Variants in NCOR2 observed in about 807,000 individuals in gnomAD.
The protein encoded by NCOR2 is CTG repeat protein 26.
In NCOR2, 81 loss-of-function variants were observed where a neutral mutation model predicts 262.9. The ratio of observed to expected loss-of-function variants is 0.31; its 90% CI spans 0.26 to 0.37. NCOR2 has a LOEUF of 0.37. Ranked by LOEUF, NCOR2 falls within the 10% of genes least tolerant of loss-of-function variation. NCOR2 has a pLI of 1.00. For missense variants in NCOR2, 3,385 were observed against 3,621.4 expected (o/e 0.93, Z 1.68); for synonymous variants, 1,659 against 1,559.3 (o/e 1.06, Z -1.51).
At chr12:124,441,686 T>C (rs1198655053) in intron 7 of NCOR2, among the ~76,000 whole-genome samples, 1 of 152,190 alleles carries the variant, frequency 6.6e-6, no homozygotes, top group Non-Finnish European at 1.5e-5. Context: ...TATTCCTCCC[T>C]CCAGGAGGCG....
chr12:124,554,059 G>C (rs905242501), intron 1 of NCOR2, among the ~76,000 whole-genome samples: 3 of 152,190 alleles, frequency 2.0e-5, no homozygotes, highest in African/African-American at 4.8e-5. Context: ...CCAGGGCCCC[G>C]GGGCAGGCCA....
At chr12:124,393,456 C>T (rs541340829) in intron 16 of NCOR2, among the ~76,000 whole-genome samples, 5 of 152,372 alleles carry the variant, frequency 3.3e-5, no homozygotes, top group East Asian at 1.9e-4. Flanking sequence ...TGGCCTCCCA[C>T]GCTCTAGAGT....
At chr12:124,427,702 C>A (rs2136331458) in intron 10 of NCOR2, among the ~76,000 whole-genome samples, 1 of 152,316 alleles carries the variant, frequency 6.6e-6, no homozygotes, top group East Asian at 1.9e-4. Flanking sequence ...CTGTCCCCTA[C>A]ACCCCTGATA....
chr12:124,341,748 G>A (rs1395764693), intron 34 of NCOR2, 75 bp downstream of exon 36: 5 of 1,532,150 alleles, frequency 3.3e-6, no homozygotes, highest in African/African-American at 1.4e-5. Context: ...CTGCCTCCGC[G>A]AGGCCACAGG....
At chr12:124,335,856 C>T (rs1368745895) in intron 38 of NCOR2, 1 of 551,296 alleles carries the variant, frequency 1.8e-6, no homozygotes, top group East Asian at 2.9e-5. Flanking sequence ...GGGACAGAGA[C>T]AGACAGAGAG....
intron 1 of NCOR2, among the ~76,000 whole-genome samples, chr12:124,494,815 C>G (rs2136903524): frequency 6.6e-6 from 1 of 152,320 alleles, no homozygotes; most frequent in Middle Eastern, 3.4e-3. Context: ...AGCGGGGGAG[C>G]AGAGGTGAGG....
intron 10 of NCOR2, among the ~76,000 whole-genome samples, chr12:124,428,348 A>G (rs1471188380): frequency 1.3e-5 from 2 of 152,234 alleles, no homozygotes; most frequent in East Asian, 3.9e-4. Context: ...ATGTTGTTGT[A>G]AACAAAAACG....
chr12:124,346,654 G>A (rs1237920671), exon 31 of NCOR2: 11 of 1,588,432 alleles, frequency 6.9e-6, no homozygotes, highest in Non-Finnish European at 8.5e-6. Context: ...CATGGATGGA[G>A]CGGCCCGCCT....
intron 10 of NCOR2, 35 bp downstream of exon 12, chr12:124,429,578 A>G (rs921517910): frequency 6.4e-7 from 1 of 1,562,228 alleles, no homozygotes; most frequent in African/African-American, 1.4e-5. Flanking sequence ...TGCCAGGGAA[A>G]AGGAGCTGAG....
exon 38 of NCOR2, chr12:124,336,924 C>A: frequency 6.3e-7 from 1 of 1,584,024 alleles, no homozygotes; most frequent in South Asian, 1.1e-5. Context: ...ACAGGAGGCA[C>A]TAGGGGCCGG....
At chr12:124,421,195 G>A (rs1261728753) in intron 12 of NCOR2, among the ~76,000 whole-genome samples, 2 of 152,226 alleles carry the variant, frequency 1.3e-5, no homozygotes, top group Admixed American at 6.5e-5. Context: ...AGACCTGACT[G>A]TCCCCGCCGG....
intron 10 of NCOR2, among the ~76,000 whole-genome samples, chr12:124,428,086 T>TGTGTGTGCGC (rs958627720): frequency 6.8e-6 from 1 of 147,054 alleles, no homozygotes; most frequent in Non-Finnish European, 1.5e-5. Flanking sequence ...TGTGTGTGTG[T>TGTGTGTGCGC]GTACATGCAA....
At chr12:124,500,925 G>A (rs963259589) in intron 1 of NCOR2, among the ~76,000 whole-genome samples, 17 of 152,116 alleles carry the variant, frequency 1.1e-4, no homozygotes, top group South Asian at 2.1e-4. Context: ...GGGGCTCTGC[G>A]CCGCACGTGC....
chr12:124,501,030 A>C (rs557841635), intron 1 of NCOR2, among the ~76,000 whole-genome samples: 3 of 151,350 alleles, frequency 2.0e-5, no homozygotes, highest in South Asian at 4.2e-4. Flanking sequence ...CCAGGCAGAG[A>C]GCGCCCACGG....
intron 1 of NCOR2, among the ~76,000 whole-genome samples, chr12:124,505,560 G>A (rs1274200960): frequency 6.6e-6 from 1 of 152,220 alleles, no homozygotes; most frequent in Non-Finnish European, 1.5e-5. Context: ...CCATTCCAAA[G>A]GGCTCCCACG....
chr12:124,375,744 C>T (rs746126110), intron 18 of NCOR2, among the ~76,000 whole-genome samples: 39 of 152,176 alleles, frequency 2.6e-4, no homozygotes, highest in African/African-American at 9.7e-5. Context: ...CTGTCAAATG[C>T]GGAGAACAGC....
chr12:124,436,531 C>T (rs989575881), intron 8 of NCOR2, among the ~76,000 whole-genome samples: 1 of 152,256 alleles, frequency 6.6e-6, no homozygotes, highest in African/African-American at 2.4e-5. Flanking sequence ...CCATTCCCTA[C>T]CATGTCCCAG....
At chr12:124,340,694 C>A in exon 35 of NCOR2, 2 of 1,532,058 alleles carry the variant, frequency 1.3e-6, no homozygotes, top group Non-Finnish European at 1.7e-6. Flanking sequence ...GGCTGGGGTG[C>A]CTGGTGTCGG....
chr12:124,370,115 A>G (rs917758088), intron 20 of NCOR2, among the ~76,000 whole-genome samples: 1 of 152,174 alleles, frequency 6.6e-6, no homozygotes, highest in Non-Finnish European at 1.5e-5. Flanking sequence ...CCCGCTATCC[A>G]GGCACAATGG....
Sources: gnomAD v4.1 joint callset for allele counts (sites outside exome capture counted in the v4.1 genomes callset) on GRCh38, gnomAD v4.1.1 for gene constraint, MANE v1.5 for transcripts, NCBI Gene and HGNC (gene_info 2026-07-23, HGNC 2026-07-21) for gene names.